ARHGAP18: variants seen among roughly 807,000 people sequenced by gnomAD.
The protein encoded by ARHGAP18 is rho GTPase-activating protein 18.
Under a neutral mutation model 86.2 loss-of-function variants are expected in ARHGAP18, and 67 were observed. The observed-to-expected ratio is 0.78, with a 90% CI of 0.64 to 0.95. ARHGAP18 has a LOEUF of 0.95. Among genes scored for constraint, ARHGAP18 ranks in the 40% least tolerant of loss-of-function variants. ARHGAP18 has a pLI of 0.00. For synonymous variants in ARHGAP18, 283 were observed against 280.4 expected (o/e 1.01, Z -0.09); for missense variants, 691 against 780.4 (o/e 0.89, Z 1.37).
intron 1 of ARHGAP18, among the ~76,000 whole-genome samples, chr6:129,702,415 G>A (rs541698005): frequency 7.2e-5 from 11 of 151,960 alleles, no homozygotes; most frequent in South Asian, 2.1e-4. Flanking sequence ...CTTTTTTATC[G>A]AAAGAAAATA....
intron 8 of ARHGAP18, among the ~76,000 whole-genome samples, chr6:129,609,389 T>C (rs1246791063): frequency 6.6e-6 from 1 of 152,188 alleles, no homozygotes. Flanking sequence ...TAGTTAAACT[T>C]GTCCTTCTGC....
At chr6:129,690,233 C>T in intron 1 of ARHGAP18, among the ~76,000 whole-genome samples, 1 of 152,088 alleles carries the variant, frequency 6.6e-6, no homozygotes, top group Middle Eastern at 3.2e-3. Flanking sequence ...TCTTCACATA[C>T]ATGCAGTGCC....
chr6:129,698,691 GTTT>G (rs34995244), intron 1 of ARHGAP18, among the ~76,000 whole-genome samples: 6 of 89,646 alleles, frequency 6.7e-5, no homozygotes, highest in Non-Finnish European at 2.2e-5. Context: ...ACCACGCCCA[GTTT>G]TTTTTTTTTT....
At chr6:129,600,978 C>G in intron 10 of ARHGAP18, 130 bp from the exon 11 acceptor site, 1 of 741,680 alleles carries the variant, frequency 1.3e-6, no homozygotes, top group Non-Finnish European at 2.1e-6. Context: ...TAATCACATC[C>G]AGCAGGCCCT....
intron 10 of ARHGAP18, among the ~76,000 whole-genome samples, chr6:129,604,045 C>T (rs1788802736): frequency 6.6e-6 from 1 of 152,148 alleles, no homozygotes; most frequent in African/African-American, 2.4e-5. Flanking sequence ...AAATTTATGG[C>T]TTATTCTTTG....
intron 1 of ARHGAP18, among the ~76,000 whole-genome samples, chr6:129,681,783 C>T (rs1317455710): frequency 6.6e-6 from 1 of 152,192 alleles, no homozygotes; most frequent in African/African-American, 2.4e-5. Flanking sequence ...AGTCCAAAGA[C>T]AACACATTGC....
intron 1 of ARHGAP18, among the ~76,000 whole-genome samples, chr6:129,665,531 T>C (rs961785080): frequency 3.3e-5 from 5 of 152,060 alleles, no homozygotes; most frequent in South Asian, 2.1e-4. Flanking sequence ...GCCTGGGCAA[T>C]AGAGCCAGAT....
chr6:129,701,951 GA>G (rs1185619664), intron 1 of ARHGAP18, among the ~76,000 whole-genome samples: 4 of 152,146 alleles, frequency 2.6e-5, no homozygotes, highest in African/African-American at 9.7e-5. Flanking sequence ...GAGTCTCCAA[GA>G]GAACAGAAAT....
intron 1 of ARHGAP18, among the ~76,000 whole-genome samples, chr6:129,669,575 C>A (rs916901110): frequency 6.6e-6 from 1 of 151,544 alleles, no homozygotes. Flanking sequence ...CACCTGAGGT[C>A]GGGAGTTCAA....
At chr6:129,629,119 C>T (rs1198452677) in intron 5 of ARHGAP18, among the ~76,000 whole-genome samples, 2 of 151,934 alleles carry the variant, frequency 1.3e-5, no homozygotes, top group Admixed American at 1.3e-4. Flanking sequence ...TGTGATGGCT[C>T]ATCCCTGTAA....
intron 12 of ARHGAP18, among the ~76,000 whole-genome samples, chr6:129,593,569 T>C (rs1192057045): frequency 6.6e-6 from 1 of 152,142 alleles, no homozygotes; most frequent in Non-Finnish European, 1.5e-5. Flanking sequence ...TAAAAGAAAC[T>C]GAAGCCCACA....
rs1773141492 is a variant in ARHGAP18 at position 129,629,486 on chromosome 6, A to T, written c.653T>A (p.Ile218Asn). 1.2e-6 allele frequency: 2 copies of T among 1,613,420 alleles called. No individual in the cohort carries two copies. Among genetic ancestry groups the T allele is most frequent in the South Asian group, 2.2e-5 (2 of 91,020 alleles). The stretch of plus-strand genomic sequence containing the variant: ...AGGGGCAGGCGTCTCCTCAGGTGGG[A>T]TCAGCTTCTCTTCACCAACAAGGTT... The part of the protein sequence containing the change: ...ASNLVGEEKL[I>N]PPEETPAPET... The change falls in exon 5 of 15, where the codon ATC becomes AAC. Residue 218 changes from isoleucine (I) to asparagine (N), a missense_variant. Coordinates refer to ENST00000368149, the MANE Select transcript of ARHGAP18 (RefSeq NM_033515.3).
chr6:129,674,661 C>A (rs1425793145), intron 1 of ARHGAP18, among the ~76,000 whole-genome samples: 1 of 152,142 alleles, frequency 6.6e-6, no homozygotes, highest in Admixed American at 6.6e-5. Flanking sequence ...ATGATCTAAA[C>A]TATACAGGAG....
Position 129,667,462 on chromosome 6 carries a change from A to AAT in ARHGAP18, c.114-25446_114-25445dup, listed in dbSNP as rs56763784. ...TCAACCAGGTCTATATCAAAAGAAA[A>AAT]ATATATATGTGTGTGTGTGTGTGTG... On this transcript the variant is annotated intron_variant, in intron 1 of 14. Coordinates refer to ENST00000368149, the MANE Select transcript of ARHGAP18 (RefSeq NM_033515.3). Among the ~76,000 whole-genome samples the AAT allele has an allele frequency of 4.2e-3, 447 of 107,122 alleles. 3 individuals carry two copies. The highest frequency in any genetic ancestry group is 0.017 in the South Asian group (50 of 3,028). The allele number at this position is 107,122 out of a possible 152,430, so 70.3% of individuals were successfully genotyped here.
chr6:129,641,426 T>C (rs1363991424), intron 2 of ARHGAP18, among the ~76,000 whole-genome samples: 1 of 152,210 alleles, frequency 6.6e-6, no homozygotes, highest in Non-Finnish European at 1.5e-5. Context: ...GACTGACCAC[T>C]GGAAAAACAG....
In ARHGAP18 at chr6:129,578,523, T is replaced by G; in HGVS notation, c.1982A>C (p.Lys661Thr). 6 of 1,611,574 alleles carry G rather than the reference T, an allele frequency of 3.7e-6. No homozygotes were observed. The highest frequency in any genetic ancestry group is 5.1e-6 in the Non-Finnish European group (6 of 1,178,430). The change falls in exon 15 of 15, where the codon AAG becomes ACG. Residue 661 changes from lysine (K) to threonine (T), a missense_variant. Lys to Thr is a moderately conservative substitution (Grantham distance 78). Transcript: ENST00000368149. ...NPNAEWVIKS[K>T]PL ...AGCTTGTTAAGTCTTCTACAATGGC[T>G]TTGACTTTATAACCCACTCAGCATT...
At chr6:129,648,492 C>T (rs941952841) in intron 1 of ARHGAP18, among the ~76,000 whole-genome samples, 2 of 151,402 alleles carry the variant, frequency 1.3e-5, no homozygotes, top group African/African-American at 2.4e-5. Flanking sequence ...TGGTTTGTGG[C>T]CAGGCACAGT....
intron 5 of ARHGAP18, among the ~76,000 whole-genome samples, chr6:129,626,862 C>G (rs1789486402): frequency 1.3e-5 from 2 of 152,076 alleles, no homozygotes; most frequent in South Asian, 4.1e-4. Context: ...TTCCTGAGAA[C>G]TACAATTCAC....
chr6:129,680,700 G>A (rs186852036), intron 1 of ARHGAP18, among the ~76,000 whole-genome samples: 61 of 152,344 alleles, frequency 4.0e-4, no homozygotes, highest in African/African-American at 8.2e-4. Context: ...GAGCCAGATC[G>A]TTTCCAGAAC....
Sources: gnomAD v4.1 joint callset for allele counts (sites outside exome capture counted in the v4.1 genomes callset) on GRCh38, gnomAD v4.1.1 for gene constraint, MANE v1.5 for transcripts, NCBI Gene and HGNC (gene_info 2026-07-23, HGNC 2026-07-21) for gene names.